HIKESHI: variants seen among roughly 807,000 people sequenced by gnomAD.
HIKESHI encodes protein Hikeshi.
Under a neutral mutation model 25.7 loss-of-function variants are expected in HIKESHI, and 13 were observed. The ratio of observed to expected loss-of-function variants is 0.51; its 90% confidence interval spans 0.33 to 0.80. The LOEUF (loss-of-function observed/expected upper bound fraction) is 0.80. Ranked by LOEUF, HIKESHI falls within the 30% of genes least tolerant of loss-of-function variation. HIKESHI has a pLI of 0.02. For synonymous variants in HIKESHI, 76 were observed against 78.7 expected (o/e 0.97, Z 0.18); for missense variants, 174 against 229.5 (o/e 0.76, Z 1.56).
At chr11:86,327,869 A>G (rs1290052624) in intron 2 of HIKESHI, among the ~76,000 whole-genome samples, 1 of 152,168 alleles carries the variant, frequency 6.6e-6, no homozygotes, top group African/African-American at 2.4e-5. Context: ...TGTAGAAGAA[A>G]CTCCTAGAAG....
intron 2 of HIKESHI, among the ~76,000 whole-genome samples, chr11:86,323,350 C>T (rs1344889300): frequency 6.6e-6 from 1 of 151,526 alleles, no homozygotes; most frequent in East Asian, 1.9e-4. Flanking sequence ...AGTTGGAAAA[C>T]AGAAAGATTC....
chr11:86,309,313 T>A (rs1174186387), intron 2 of HIKESHI, among the ~76,000 whole-genome samples: 7 of 152,228 alleles, frequency 4.6e-5, no homozygotes, highest in African/African-American at 1.2e-4. Context: ...ATTTCTCTGA[T>A]GACCAGTGAT....
chr11:86,327,276 A>G (rs1947306395), intron 2 of HIKESHI, among the ~76,000 whole-genome samples: 1 of 151,510 alleles, frequency 6.6e-6, no homozygotes, highest in South Asian at 2.1e-4. Flanking sequence ...CTTTCACAGC[A>G]TCCTTAAGAG....
chr11:86,345,583 G>T lies in HIKESHI; in HGVS notation c.540-1G>T. On this transcript the variant is annotated splice_acceptor_variant, in intron 4 of 4. Coordinates refer to ENST00000278483, the MANE Select transcript of HIKESHI (RefSeq NM_016401.4). LOFTEE classifies it high-confidence loss of function. ...GTAAATATATGTGTTTTCTTTTCTA[G>T]GTATGAAAACTTTCAAAGACGACTA... The T allele has an allele frequency of 6.6e-7, 1 of 1,524,764 alleles. No individual in the cohort carries two copies. The highest frequency in any genetic ancestry group is 1.9e-5 in the Admixed American group (1 of 53,106). The allele number at this position is 1,524,764 out of a possible 1,614,324, so 94.5% of individuals were successfully genotyped here.
At chr11:86,337,672 T>C (rs758349077) in intron 3 of HIKESHI, 142 bp downstream of exon 3, 99 of 1,036,580 alleles carry the variant, frequency 9.6e-5, no homozygotes, top group Non-Finnish European at 1.3e-4. Flanking sequence ...TATTTTGTTT[T>C]TGAGAGATGG....
chr11:86,338,861 T>C (rs953771794), intron 3 of HIKESHI, among the ~76,000 whole-genome samples: 45 of 152,340 alleles, frequency 3.0e-4, no homozygotes, highest in Non-Finnish European at 1.9e-4. Context: ...TAAAATGTTA[T>C]CCCTGGAGAA....
chr11:86,342,723 A>ATTTTTTTTTTT (rs57183083), intron 3 of HIKESHI, among the ~76,000 whole-genome samples: 1 of 148,884 alleles, frequency 6.7e-6, no homozygotes. Flanking sequence ...AATTTGTCCC[A>ATTTTTTTTTTT]TTTTTTTTTT....
intron 3 of HIKESHI, 181 bp from the exon 4 acceptor site, chr11:86,344,422 C>A (rs934647850): frequency 2.2e-6 from 1 of 445,964 alleles, no homozygotes; most frequent in South Asian, 6.4e-5. Context: ...CCTGCCTCAG[C>A]CTCCCAAAGT....
intron 2 of HIKESHI, among the ~76,000 whole-genome samples, chr11:86,308,150 G>GTATAAAATATATATTACA (rs1251922280): frequency 0.17 from 7,782 of 46,010 alleles, 1,196 homozygotes; most frequent in African/African-American, 0.21. Flanking sequence ...AATATATATT[G>GTATAAAATATATATTACA]TATAAAATAT....
chr11:86,336,051 AT>A (rs1474036942), intron 2 of HIKESHI, among the ~76,000 whole-genome samples: 2 of 152,238 alleles, frequency 1.3e-5, no homozygotes, highest in African/African-American at 4.8e-5. Context: ...CAATATAGAA[AT>A]TATAGAAAGG....
At chr11:86,327,414 A>C (rs1947312990) in intron 2 of HIKESHI, among the ~76,000 whole-genome samples, 1 of 151,726 alleles carries the variant, frequency 6.6e-6, no homozygotes, top group African/African-American at 2.4e-5. Flanking sequence ...TCCCGGGTTC[A>C]CACCATTCTC....
chr11:86,315,189 G>A (rs1050347190), intron 2 of HIKESHI, among the ~76,000 whole-genome samples: 1 of 152,128 alleles, frequency 6.6e-6, no homozygotes, highest in South Asian at 2.1e-4. Context: ...TAAATATAAA[G>A]TAATAAAGCA....
At chr11:86,308,932 G>A (rs1011203536) in intron 2 of HIKESHI, among the ~76,000 whole-genome samples, 1 of 152,080 alleles carries the variant, frequency 6.6e-6, no homozygotes, top group African/African-American at 2.4e-5. Flanking sequence ...GTATTCCATG[G>A]TGTATATGTG....
intron 2 of HIKESHI, among the ~76,000 whole-genome samples, chr11:86,329,828 G>A (rs1674685805): frequency 6.6e-6 from 1 of 151,702 alleles, no homozygotes; most frequent in Non-Finnish European, 1.5e-5. Flanking sequence ...TTCTTATAGT[G>A]TTTACATGCT....
intron 2 of HIKESHI, among the ~76,000 whole-genome samples, chr11:86,310,493 C>G (rs771538777): frequency 2.6e-5 from 4 of 151,500 alleles, no homozygotes; most frequent in Non-Finnish European, 4.4e-5. Flanking sequence ...TCTAAATACA[C>G]AATGTCATCT....
rs112648103 is a variant in HIKESHI, at chr11:86,308,542, T to G, written c.268+2060T>G. On this transcript the variant is annotated intron_variant, in intron 2 of 4. Coordinates refer to ENST00000278483, the MANE Select transcript of HIKESHI (RefSeq NM_016401.4). ...GTTCTTCTTTTGGTTCTGTTGACAT[T>G]GCAGAGCCATAATTCTTTTTATTTA... Among the ~76,000 whole-genome samples, 126 of 148,720 alleles carry G rather than the reference T, an allele frequency of 8.5e-4. 1 individual carries two copies. Among genetic ancestry groups the G allele is most frequent in the African/African-American group, 2.9e-3 (113 of 39,586 alleles).
intron 2 of HIKESHI, among the ~76,000 whole-genome samples, chr11:86,308,996 T>A (rs556552653): frequency 3.5e-4 from 44 of 125,746 alleles, no homozygotes; most frequent in Non-Finnish European, 1.1e-4. Context: ...TAGTTCCAAG[T>A]CTTTGCTATT....
At chr11:86,328,886 T>C (rs1947349919) in intron 2 of HIKESHI, among the ~76,000 whole-genome samples, 1 of 148,014 alleles carries the variant, frequency 6.8e-6, no homozygotes, top group African/African-American at 2.5e-5. Flanking sequence ...CCCACATTTC[T>C]TTCCATTGTG....
chr11:86,336,743 A>G (rs1947571522), intron 2 of HIKESHI, among the ~76,000 whole-genome samples: 1 of 152,236 alleles, frequency 6.6e-6, no homozygotes, highest in African/African-American at 2.4e-5. Flanking sequence ...AAGAAGCTCA[A>G]GAAACTCCAA....
Sources: allele counts gnomAD v4.1 joint callset (sites outside exome capture counted in the v4.1 genomes callset), GRCh38; gene constraint gnomAD v4.1.1; transcripts MANE v1.5; gene names NCBI Gene and HGNC (gene_info 2026-07-23, HGNC 2026-07-21).